The following LRRC9 variants were observed in gnomAD, a reference collection of about 807,000 sequenced individuals.
The protein encoded by LRRC9 is leucine-rich repeat-containing protein 9.
A neutral mutation model predicts 63.2 loss-of-function variants in LRRC9; 122 were observed. The observed-to-expected ratio is 1.93, with a 90% confidence interval of 1.67 to 2.24. The LOEUF is 2.24. Among genes scored for constraint, LRRC9 ranks in the 30% most tolerant of loss-of-function variants. The pLI, the probability that LRRC9 is intolerant of heterozygous loss-of-function variation, is 0.00. For missense variants in LRRC9, 1,071 were observed against 627.7 expected (o/e 1.71, Z -7.55); for synonymous variants, 366 against 213.1 (o/e 1.72, Z -6.25).
intron 30 of LRRC9, among the ~76,000 whole-genome samples, chr14:60,056,876 T>C (rs979164727): frequency 6.6e-6 from 1 of 152,172 alleles, no homozygotes; most frequent in Non-Finnish European, 1.5e-5. Flanking sequence ...CCTTTCTTTT[T>C]AACAGCAAAT....
chr14:60,046,802 A>G (rs774703079), intron 29 of LRRC9, among the ~76,000 whole-genome samples: 1 of 152,144 alleles, frequency 6.6e-6, no homozygotes, highest in Non-Finnish European at 1.5e-5. Flanking sequence ...AAGAATGTCA[A>G]TGGCAGTTTA....
chr14:59,952,913 G>C (rs960783906), intron 8 of LRRC9, among the ~76,000 whole-genome samples: 5 of 152,238 alleles, frequency 3.3e-5, no homozygotes, highest in Admixed American at 2.0e-4. Context: ...GTGGTGTTTG[G>C]TTTTCTGTTC....
At chr14:59,931,490 T>C (rs1008761884) in intron 4 of LRRC9, 129 bp from the exon 5 acceptor site, 15 of 505,596 alleles carry the variant, frequency 3.0e-5, no homozygotes, top group Non-Finnish European at 4.5e-5. Context: ...CTCATTTCCT[T>C]CTGTGCTTGT....
intron 1 of LRRC9, among the ~76,000 whole-genome samples, chr14:59,926,666 T>C (rs1889234825): frequency 6.6e-6 from 1 of 152,180 alleles, no homozygotes; most frequent in Non-Finnish European, 1.5e-5. Context: ...AACACTACAG[T>C]TTGTTTTAAA....
intron 29 of LRRC9, among the ~76,000 whole-genome samples, chr14:60,035,272 G>A (rs1249930180): frequency 6.6e-6 from 1 of 152,076 alleles, no homozygotes; most frequent in Non-Finnish European, 1.5e-5. Flanking sequence ...TGGATTGATT[G>A]CAAATATTTT....
rs1894560204 is a variant in LRRC9 at position 60,060,122 on chromosome 14, C to T, written c.4276+2100C>T. On this transcript the variant is annotated intron_variant, in intron 31 of 31. Coordinates refer to ENST00000445360, the Ensembl canonical transcript of LRRC9. This position sits in a 1 kb window ranked among gnomAD's most constrained non-coding sequence, Gnocchi z 4.0. The stretch of plus-strand genomic sequence containing the variant: ...ACTCCTAGGGCTCTTAAGAATTATG[C>T]TAAATCTACTTTGTCTATGCTCTAT... 6.6e-6 allele frequency among the ~76,000 whole-genome samples: 1 copy of T among 152,190 alleles called. No homozygotes were observed. The highest frequency in any genetic ancestry group is 2.1e-4 in the South Asian group (1 of 4,834).
chr14:60,014,413 T>C (rs1406524433), intron 23 of LRRC9, among the ~76,000 whole-genome samples: 2 of 152,028 alleles, frequency 1.3e-5, no homozygotes, highest in Non-Finnish European at 2.9e-5. Flanking sequence ...TTCAAAAACT[T>C]TCTTTAGTCA....
intron 8 of LRRC9, among the ~76,000 whole-genome samples, chr14:59,951,947 C>T (rs1408868466): frequency 6.6e-6 from 1 of 152,054 alleles, no homozygotes; most frequent in Non-Finnish European, 1.5e-5. Flanking sequence ...TTACTGCTGT[C>T]TTTTTGTTTG....
At chr14:59,943,166 A>G (rs1881976297) in intron 7 of LRRC9, among the ~76,000 whole-genome samples, 1 of 151,992 alleles carries the variant, frequency 6.6e-6, no homozygotes, top group African/African-American at 2.4e-5. Flanking sequence ...GAAGCTTTTC[A>G]GTTTAATATA....
At chr14:59,929,161 G>T (rs1248687214) in intron 3 of LRRC9, among the ~76,000 whole-genome samples, 1 of 151,938 alleles carries the variant, frequency 6.6e-6, no homozygotes, top group African/African-American at 2.4e-5. Context: ...GAAAATTTTT[G>T]CAAACTATGC....
intron 21 of LRRC9, among the ~76,000 whole-genome samples, chr14:60,006,000 C>T (rs989621851): frequency 1.3e-5 from 2 of 151,974 alleles, no homozygotes; most frequent in Admixed American, 6.6e-5. Context: ...AATGTGGTTC[C>T]TTACCCTTAA....
intron 23 of LRRC9, among the ~76,000 whole-genome samples, chr14:60,016,365 G>A (rs897489896): frequency 1.3e-5 from 2 of 151,984 alleles, no homozygotes; most frequent in South Asian, 2.1e-4. Context: ...CACTGTGCTT[G>A]ACTAATTCTT....
rs942411184 is a variant in LRRC9 at position 59,989,371 on chromosome 14, T to C, written c.2211+4147T>C. Among the ~76,000 whole-genome samples, 6 of 152,182 alleles carry C rather than the reference T, an allele frequency of 3.9e-5. No individual in the cohort carries two copies. The South Asian group carries it at 1.2e-3, about 32-fold the overall frequency. On this transcript the variant is annotated intron_variant, in intron 17 of 31. Coordinates refer to ENST00000445360, the Ensembl canonical transcript of LRRC9. ...CTCTTCATTCATTTCTTATCTTAAA[T>C]TTTTTTCACTTTTTCATCTTGTATT...
chr14:59,945,994 T>C (rs1882332615), intron 8 of LRRC9, among the ~76,000 whole-genome samples: 1 of 151,796 alleles, frequency 6.6e-6, no homozygotes, highest in Non-Finnish European at 1.5e-5. Flanking sequence ...ACTTTGGTCA[T>C]ATGTATAACA....
Position 60,028,092 on chromosome 14 carries a change from TA to T in LRRC9, c.3916del (p.Ile1306SerfsTer46). ...TAGAGAAACTCTTCCTAGGATATAA[TA>T]AAATCCAGGTAACATTATTATTTTT... On this transcript the variant is annotated frameshift_variant, in exon 28 of 32. Transcript: ENST00000445360. LOFTEE classifies it high-confidence loss of function. 1.4e-6 allele frequency: 1 copy of T among 693,648 alleles called. No homozygotes were observed. The highest frequency in any genetic ancestry group is 2.7e-5 in the East Asian group (1 of 37,210). 43.0% of individuals were successfully genotyped at this position (693,648 alleles called of 1,614,324 possible).
At chr14:60,037,624 T>C (rs1262242761) in intron 29 of LRRC9, among the ~76,000 whole-genome samples, 1 of 152,218 alleles carries the variant, frequency 6.6e-6, no homozygotes, top group Non-Finnish European at 1.5e-5. Context: ...TTTGATTTTT[T>C]CTTGAAAATT....
At chr14:60,046,580 T>C (rs961029212) in intron 29 of LRRC9, among the ~76,000 whole-genome samples, 1 of 152,182 alleles carries the variant, frequency 6.6e-6, no homozygotes, top group Non-Finnish European at 1.5e-5. Flanking sequence ...ATCAGATGGT[T>C]GTAGGTGTGC....
At position 59,979,241 on chromosome 14, in the gene LRRC9, A is replaced by C. The variant is rs1380781374; in HGVS notation, c.1878+1109A>C. On this transcript the variant is annotated intron_variant, in intron 15 of 31. Transcript: ENST00000445360. ...TAGTGAGATCTTGTCTCTACAAAAA[A>C]CTTTAAAAATTTAAAAAATTAAAAA... Among the ~76,000 whole-genome samples, 5 of 152,144 alleles carry C rather than the reference A, an allele frequency of 3.3e-5. No individual in the cohort carries two copies. In the East Asian group the frequency reaches 9.6e-4, roughly 29 times the overall value.
intron 19 of LRRC9, among the ~76,000 whole-genome samples, chr14:60,000,110 C>G (rs1396748666): frequency 6.6e-6 from 1 of 152,016 alleles, no homozygotes; most frequent in African/African-American, 2.4e-5. Context: ...TGCTACACAG[C>G]CATAAAAAAG....
Sources: allele counts gnomAD v4.1 joint callset (sites outside exome capture counted in the v4.1 genomes callset), GRCh38; gene constraint gnomAD v4.1.1; non-coding constraint Gnocchi (gnomAD v3.1); transcripts MANE v1.5; gene names NCBI Gene and HGNC (gene_info 2026-07-23, HGNC 2026-07-21).